Variants in NECAB2 observed in about 807,000 individuals in gnomAD.
NECAB2 encodes N-terminal EF-hand calcium-binding protein 2.
NECAB2 carries 68 observed loss-of-function variants against 51.9 expected under a neutral mutation model. The observed-to-expected ratio is 1.31, with a 90% CI of 1.08 to 1.60. NECAB2 has a LOEUF of 1.60. NECAB2 is among the 40% of genes most tolerant of loss of function. NECAB2 has a pLI of 0.00. For missense variants in NECAB2, 854 were observed against 490.3 expected (o/e 1.74, Z -7.00); for synonymous variants, 329 against 203.5 (o/e 1.62, Z -5.25).
intron 10 of NECAB2, among the ~76,000 whole-genome samples, chr16:83,999,912 G>A (rs1488060955): frequency 6.6e-6 from 1 of 150,686 alleles, no homozygotes; most frequent in Non-Finnish European, 1.5e-5. Context: ...ACCAAATCTT[G>A]CTTTATTGTC....
chr16:83,965,498 A>G (rs765361634), upstream of NECAB2: 1 of 1,611,486 alleles, frequency 6.2e-7, no homozygotes, highest in African/African-American at 1.3e-5. Flanking sequence ...CCACTACAAC[A>G]TCCCGGTGAT....
intron 9 of NECAB2, among the ~76,000 whole-genome samples, chr16:83,997,705 G>A (rs889519386): frequency 6.6e-6 from 1 of 151,674 alleles, no homozygotes; most frequent in Non-Finnish European, 1.5e-5. Flanking sequence ...ATGTTGGTCA[G>A]GCTGGTCTCA....
At chr16:83,998,983 C>A (rs376927705) in intron 10 of NECAB2, among the ~76,000 whole-genome samples, 33 of 152,298 alleles carry the variant, frequency 2.2e-4, no homozygotes, top group African/African-American at 6.7e-4. Context: ...CCCCGCCCCC[C>A]GTTTCTGCAG....
chr16:83,972,029 C>G, intron 1 of NECAB2, 122 bp from the exon 2 acceptor site: 1 of 1,350,890 alleles, frequency 7.4e-7, no homozygotes, highest in South Asian at 1.2e-5. Context: ...AAGGGGGGCT[C>G]AGCTTCCCAG....
rs572660811 is a variant in NECAB2 at position 83,974,106 on chromosome 16, C to T, written c.226+1931C>T. Among the ~76,000 whole-genome samples, 44 of 152,218 alleles carry T rather than the reference C, an allele frequency of 2.9e-4. No individual in the cohort carries two copies. In the South Asian group the frequency reaches 8.9e-3, roughly 31 times the overall value. ...GCCTCCTCAAAGGCCGAGCCTGTTCCTTCTCCTTGGGGCTTACATCTTACC... is the reference window on the plus strand; with the variant it reads ...GCCTCCTCAAAGGCCGAGCCTGTTCTTTCTCCTTGGGGCTTACATCTTACC... On this transcript the variant is annotated intron_variant, in intron 2 of 12. Transcript: ENST00000305202.
intron 6 of NECAB2, among the ~76,000 whole-genome samples, chr16:83,993,215 C>T (rs546951292): frequency 6.6e-6 from 1 of 152,286 alleles, no homozygotes; most frequent in South Asian, 2.1e-4. Context: ...AGGCTACTGG[C>T]TCAGACCCCA....
At chr16:83,983,996 G>GT (rs552020138) in intron 5 of NECAB2, among the ~76,000 whole-genome samples, 7,041 of 125,232 alleles carry the variant, frequency 0.056, 273 homozygotes, top group Middle Eastern at 0.11. Flanking sequence ...ATATATGGTG[G>GT]TTTTTTTTTT....
At chr16:83,965,621 C>T (rs140495749), upstream of NECAB2, 7 of 1,613,070 alleles carry the variant, frequency 4.3e-6, no homozygotes, top group East Asian at 1.1e-4. Context: ...GCAGTCCATC[C>T]TGTCGCCCAG....
At chr16:84,001,481 G>A (rs777655383) in intron 11 of NECAB2, among the ~76,000 whole-genome samples, 30 of 152,240 alleles carry the variant, frequency 2.0e-4, no homozygotes, top group Middle Eastern at 3.4e-3. Flanking sequence ...CTCATAAAAC[G>A]AGGGACTAAA....
intron 5 of NECAB2, among the ~76,000 whole-genome samples, chr16:83,988,280 C>T (rs2084579734): frequency 6.6e-6 from 1 of 151,776 alleles, no homozygotes; most frequent in South Asian, 2.1e-4. Flanking sequence ...TTACATTTTA[C>T]CTTTTGGTGG....
intron 5 of NECAB2, among the ~76,000 whole-genome samples, chr16:83,984,548 C>G (rs1597209074): frequency 6.6e-6 from 1 of 151,824 alleles, no homozygotes; most frequent in Non-Finnish European, 1.5e-5. Flanking sequence ...CATAGTGGGA[C>G]CCCGTTTCTA....
chr16:83,999,424 C>G (rs1259843070), intron 10 of NECAB2, among the ~76,000 whole-genome samples: 1 of 152,140 alleles, frequency 6.6e-6, no homozygotes, highest in Non-Finnish European at 1.5e-5. Context: ...GACGTAGAGG[C>G]TCTGGTTTGT....
chr16:83,998,976 C>T (rs28563865), intron 10 of NECAB2, among the ~76,000 whole-genome samples: 9,367 of 152,204 alleles, frequency 0.062, 903 homozygotes, highest in African/African-American at 0.21. Context: ...AGTGGTCCCC[C>T]GCCCCCCGTT....
At chr16:83,973,342 T>G (rs1411078989) in intron 2 of NECAB2, among the ~76,000 whole-genome samples, 1 of 151,802 alleles carries the variant, frequency 6.6e-6, no homozygotes, top group Non-Finnish European at 1.5e-5. Flanking sequence ...CAGGGTGGAG[T>G]TGGAGGCCTT....
In NECAB2 at chr16:83,968,526, C is replaced by A; in HGVS notation, c.-123C>A. ...GGCCAGTCCCCGCGGTGTCCGCGGC[C>A]GCGGGGGCAGCGGGAGAGAGGGCGG... On this transcript the variant is annotated 5_prime_UTR_variant, in exon 1 of 13. Transcript: ENST00000305202. The A allele has an allele frequency of 1.2e-6, 1 of 822,074 alleles. No individual in the cohort carries two copies. The highest frequency in any genetic ancestry group is 1.5e-6 in the Non-Finnish European group (1 of 684,202). 50.9% of individuals were successfully genotyped at this position (822,074 alleles called of 1,614,324 possible). A position where few individuals can be genotyped will look rare whatever the true frequency, so the allele number is the denominator to read the frequency against.
intron 2 of NECAB2, among the ~76,000 whole-genome samples, chr16:83,976,355 T>C (rs981222360): frequency 6.6e-6 from 1 of 152,198 alleles, no homozygotes; most frequent in African/African-American, 2.4e-5. Context: ...TGTGCCTCAG[T>C]TTACCCCTCT....
chr16:84,000,907 T>C lies in NECAB2; in HGVS notation c.1040+106T>C, dbSNP rs578163225. 394 of 1,130,088 alleles carry C rather than the reference T, an allele frequency of 3.5e-4. 3 individuals are homozygous for C. The African/African-American group carries it at 5.6e-3, about 16-fold the overall frequency. 70.0% of individuals were successfully genotyped at this position (1,130,088 alleles called of 1,614,324 possible). A position where few individuals can be genotyped will look rare whatever the true frequency, so the allele number is the denominator to read the frequency against. ...GAGGGGAGGGTAAGGCCGAGTCCAG[T>C]CAGCAGATTCCCGAGGCATCTACCC... is the stretch of plus-strand genomic sequence containing the variant. On this transcript the variant is annotated intron_variant, in intron 11 of 12. Transcript: ENST00000305202.
chr16:83,981,242 G>T, intron 5 of NECAB2, 115 bp downstream of exon 5: 1 of 918,712 alleles, frequency 1.1e-6, no homozygotes, highest in South Asian at 1.5e-5. Flanking sequence ...CCTATCTCAG[G>T]GGTGGGCTTT....
At chr16:83,983,722 T>A (rs2084516781) in intron 5 of NECAB2, among the ~76,000 whole-genome samples, 1 of 152,222 alleles carries the variant, frequency 6.6e-6, no homozygotes, top group Admixed American at 6.5e-5. Flanking sequence ...GTCCTTGTCA[T>A]GAGCCAAGAA....
Sources: allele counts gnomAD v4.1 joint callset (sites outside exome capture counted in the v4.1 genomes callset), GRCh38; gene constraint gnomAD v4.1.1; transcripts MANE v1.5; gene names NCBI Gene and HGNC (gene_info 2026-07-23, HGNC 2026-07-21).